The following ZNF469 variants were observed in gnomAD, a reference collection of about 807,000 sequenced individuals.
The protein encoded by ZNF469 is zinc finger protein 469.
In ZNF469, 1 loss-of-function variant was observed where a neutral mutation model predicts 1.0. The observed-to-expected ratio is 1.00, with a 90% CI of 0.35 to 4.73. ZNF469 has a LOEUF of 4.73. Ranked by LOEUF, ZNF469 falls within the 30% of genes most tolerant of loss-of-function variation. ZNF469 has a pLI of 0.16. For missense variants in ZNF469, 6,100 were observed against 5,356.3 expected, an observed-to-expected ratio of 1.14 and a Z score of -4.33; for synonymous variants, 2,703 against 2,363.4, an observed-to-expected ratio of 1.14 and a Z score of -4.17.
the ZNF469 span, among the ~76,000 whole-genome samples, chr16:88,307,367 A>G: frequency 4.6e-5 from 7 of 152,236 alleles, no homozygotes; most frequent in Non-Finnish European, 1.0e-4. Flanking sequence ...TACAAGCAGC[A>G]TTGCTGGTCG....
chr16:88,213,384 C>T, the ZNF469 span, among the ~76,000 whole-genome samples: 1 of 152,334 alleles, frequency 6.6e-6, no homozygotes, highest in South Asian at 2.1e-4. Context: ...CAGGCATGAG[C>T]CACCGCGCCC....
chr16:88,286,294 A>C, the ZNF469 span, among the ~76,000 whole-genome samples: 3 of 152,260 alleles, frequency 2.0e-5, no homozygotes, highest in South Asian at 4.1e-4. Context: ...CTGTGCAACA[A>C]GATTGATTCG....
chr16:88,224,105 G>C, the ZNF469 span, among the ~76,000 whole-genome samples: 1 of 152,194 alleles, frequency 6.6e-6, no homozygotes, highest in Non-Finnish European at 1.5e-5. Flanking sequence ...TTGTTTTCTC[G>C]GGGCAGGGGT....
upstream of ZNF469, among the ~76,000 whole-genome samples, chr16:88,381,192 A>C (rs1353226064): frequency 3.2e-5 from 4 of 124,820 alleles, no homozygotes; most frequent in Admixed American, 3.0e-4. Flanking sequence ...GCACTCACAC[A>C]CATGCATTCA....
chr16:88,208,734 T>C, the ZNF469 span, among the ~76,000 whole-genome samples: 522 of 150,982 alleles, frequency 3.5e-3, 3 homozygotes, highest in African/African-American at 0.011. Flanking sequence ...GACACACACA[T>C]ATATCTGCAT....
At chr16:88,346,354 A>G in the ZNF469 span, among the ~76,000 whole-genome samples, 1 of 152,058 alleles carries the variant, frequency 6.6e-6, no homozygotes, top group Non-Finnish European at 1.5e-5. Flanking sequence ...AATCACCAAA[A>G]CAGACCCCGG....
chr16:88,362,507 T>C, the ZNF469 span, among the ~76,000 whole-genome samples: 1 of 152,226 alleles, frequency 6.6e-6, no homozygotes, highest in Non-Finnish European at 1.5e-5. Context: ...TTGAAGGGTG[T>C]TTTTCCTGGA....
At chr16:88,187,377 C>A in the ZNF469 span, among the ~76,000 whole-genome samples, 2 of 152,206 alleles carry the variant, frequency 1.3e-5, no homozygotes, top group Admixed American at 6.5e-5. Context: ...CAGCAAAATT[C>A]TCGCTGATAA....
chr16:88,382,162 C>T (rs536530955), upstream of ZNF469, among the ~76,000 whole-genome samples: 8 of 152,372 alleles, frequency 5.3e-5, no homozygotes, highest in Non-Finnish European at 8.8e-5. Flanking sequence ...ACGCTGCACC[C>T]CTGCCCTTGG....
chr16:88,160,472 G>A, the ZNF469 span, among the ~76,000 whole-genome samples: 1 of 152,334 alleles, frequency 6.6e-6, no homozygotes, highest in South Asian at 2.1e-4. Flanking sequence ...TGCGCACTTT[G>A]CACTCTGACC....
the ZNF469 span, among the ~76,000 whole-genome samples, chr16:88,103,868 C>A: frequency 6.8e-6 from 1 of 147,470 alleles, no homozygotes; most frequent in Non-Finnish European, 1.5e-5. Context: ...GTGGAATGAT[C>A]CTCCATGGCA....
the ZNF469 span, among the ~76,000 whole-genome samples, chr16:88,285,662 C>A: frequency 6.6e-6 from 1 of 152,244 alleles, no homozygotes; most frequent in African/African-American, 2.4e-5. Context: ...AGCGTCGGCA[C>A]GGTGGGGAGG....
chr16:88,130,417 A>G, the ZNF469 span, among the ~76,000 whole-genome samples: 1 of 152,152 alleles, frequency 6.6e-6, no homozygotes, highest in Non-Finnish European at 1.5e-5. Flanking sequence ...AAGGAAGCCA[A>G]GGGTGCAGCA....
At chr16:88,268,005 T>C in the ZNF469 span, among the ~76,000 whole-genome samples, 4 of 151,782 alleles carry the variant, frequency 2.6e-5, no homozygotes, top group Non-Finnish European at 4.4e-5. Context: ...TGCCATCCTC[T>C]GGGTTTTGAT....
chr16:88,334,546 C>T, the ZNF469 span, among the ~76,000 whole-genome samples: 1 of 152,172 alleles, frequency 6.6e-6, no homozygotes, highest in Non-Finnish European at 1.5e-5. Flanking sequence ...CCAGGGTGTG[C>T]ACACATCACA....
At chr16:88,167,623 G>T in the ZNF469 span, among the ~76,000 whole-genome samples, 64 of 151,972 alleles carry the variant, frequency 4.2e-4, no homozygotes, top group East Asian at 1.2e-3. Flanking sequence ...TTTCCAAGGT[G>T]GGGGGCAGGA....
At chr16:88,304,084 G>T in the ZNF469 span, among the ~76,000 whole-genome samples, 1 of 152,200 alleles carries the variant, frequency 6.6e-6, no homozygotes, top group African/African-American at 2.4e-5. Context: ...CTCAGAGGAG[G>T]CTTGTTCTGG....
At chr16:88,312,080 G>C in the ZNF469 span, among the ~76,000 whole-genome samples, 4 of 152,220 alleles carry the variant, frequency 2.6e-5, no homozygotes, top group African/African-American at 9.6e-5. Flanking sequence ...CTGGCAAAGA[G>C]AGAATGAAAA....
the ZNF469 span, among the ~76,000 whole-genome samples, chr16:88,113,908 G>T: frequency 5.3e-5 from 8 of 152,212 alleles, no homozygotes; most frequent in Non-Finnish European, 1.2e-4. Flanking sequence ...TTGCCGCACT[G>T]AGAGTGCTGT....
Sources: gnomAD v4.1 joint callset for allele counts (sites outside exome capture counted in the v4.1 genomes callset) on GRCh38, gnomAD v4.1.1 for gene constraint, MANE v1.5 for transcripts, NCBI Gene and HGNC (gene_info 2026-07-23, HGNC 2026-07-21) for gene names.